TRIM67: variants seen among roughly 807,000 people sequenced by gnomAD.
The protein encoded by TRIM67 is tripartite motif-containing protein 67.
A neutral mutation model predicts 71.0 loss-of-function variants in TRIM67; 39 were observed. The ratio of observed to expected loss-of-function variants is 0.55; its 90% CI spans 0.43 to 0.72. The LOEUF (loss-of-function observed/expected upper bound fraction) is 0.72. Among genes scored for constraint, TRIM67 ranks in the 30% least tolerant of loss-of-function variants. TRIM67 has a pLI of 0.00. For synonymous variants in TRIM67, 481 were observed against 473.9 expected, an observed-to-expected ratio of 1.01 and a Z score of -0.19; for missense variants, 973 against 1,079.2, an observed-to-expected ratio of 0.90 and a Z score of 1.38.
chr1:231,172,230 A>C (rs1682636052), intron 1 of TRIM67, among the ~76,000 whole-genome samples: 2 of 152,254 alleles, frequency 1.3e-5, no homozygotes, highest in Admixed American at 6.5e-5. Flanking sequence ...GCTGAGGAGT[A>C]GTTATGCATA....
In TRIM67 at chr1:231,217,286, C is replaced by T; in HGVS notation, c.*1846C>T. On this transcript the variant is annotated 3_prime_UTR_variant, in exon 10 of 10. Coordinates refer to ENST00000366653, the MANE Select transcript of TRIM67 (RefSeq NM_001004342.5). ...TGCGGAGCCTGGGAGCTATCTGCTTCATGGAAGTCTAGGTCTTGCCTCTTC... is the reference window on the plus strand; with the variant it reads ...TGCGGAGCCTGGGAGCTATCTGCTTTATGGAAGTCTAGGTCTTGCCTCTTC... 1 of 986,168 alleles carries T rather than the reference C, an allele frequency of 1.0e-6. No individual in the cohort carries two copies. The highest frequency in any genetic ancestry group is 1.2e-6 in the Non-Finnish European group (1 of 830,254). 61.1% of individuals were successfully genotyped at this position (986,168 alleles called of 1,614,324 possible).
intron 8 of TRIM67, among the ~76,000 whole-genome samples, chr1:231,212,078 C>G (rs945170857): frequency 6.6e-6 from 1 of 152,032 alleles, no homozygotes; most frequent in East Asian, 1.9e-4. Context: ...GTAACGAGCT[C>G]GATTAACTTT....
At chr1:231,198,443 A>G (rs928995093) in intron 2 of TRIM67, among the ~76,000 whole-genome samples, 33 of 152,140 alleles carry the variant, frequency 2.2e-4, no homozygotes, top group African/African-American at 7.7e-4. Flanking sequence ...CTATAGTGCA[A>G]TGGCACGATC....
chr1:231,213,734 A>G (rs898289283), intron 8 of TRIM67, 81 bp from the exon 9 acceptor site: 3 of 1,469,970 alleles, frequency 2.0e-6, no homozygotes, highest in Middle Eastern at 1.8e-4. Context: ...GTGTCTCTAA[A>G]TAAGTAAATA....
At chr1:231,211,421 G>A (rs866960597) in intron 8 of TRIM67, among the ~76,000 whole-genome samples, 2 of 152,178 alleles carry the variant, frequency 1.3e-5, no homozygotes, top group African/African-American at 4.8e-5. Context: ...CCGGGAAGTT[G>A]GACCCCAGAG....
intron 1 of TRIM67, among the ~76,000 whole-genome samples, chr1:231,170,005 A>ATTTTTTTTTTTTTTTTTTT (rs1682583971): frequency 2.0e-5 from 2 of 101,230 alleles, no homozygotes; most frequent in African/African-American, 1.4e-4. Context: ...TTTTTTTTTG[A>ATTTTTTTTTTTTTTTTTTT]GTTGGAGTTT....
chr1:231,219,765 G>A lies in TRIM67; in HGVS notation c.*4325G>A. The A allele has an allele frequency of 8.3e-7, 1 of 1,208,088 alleles. No homozygotes were observed. The highest frequency in any genetic ancestry group is 1.5e-5 in the South Asian group (1 of 66,842). 74.8% of individuals were successfully genotyped at this position (1,208,088 alleles called of 1,614,324 possible). ...AGATGGTGATGCTGGAAAATTTCAG[G>A]ACTTTTCTTTTGCAAGTGAGCCGGT... On this transcript the variant is annotated 3_prime_UTR_variant, in exon 10 of 10. Coordinates refer to ENST00000366653, the MANE Select transcript of TRIM67 (RefSeq NM_001004342.5).
intron 1 of TRIM67, among the ~76,000 whole-genome samples, chr1:231,178,342 C>T (rs1348677397): frequency 2.0e-5 from 3 of 152,180 alleles, no homozygotes; most frequent in Non-Finnish European, 4.4e-5. Flanking sequence ...AGCCAACAAT[C>T]CTAAAACTCC....
Position 231,203,970 on chromosome 1 carries a change from C to T in TRIM67, c.1638C>T (p.Gly546=), listed in dbSNP as rs1388992714. 4 of 1,614,026 alleles carry T rather than the reference C, an allele frequency of 2.5e-6. No homozygotes were observed. In the Admixed American group the frequency reaches 5.0e-5, roughly 20 times the overall value. ...MPPFTHSPVD[G]YILELDDGAG... is the part of the protein sequence containing the mutation. ...CCTTCACCCACAGCCCCGTGGACGG[C>T]TACATCCTGGAGCTGGACGACGGTG... Residue 546 remains glycine, a synonymous_variant, in exon 6 of 10, where the codon GGC becomes GGT. Transcript: ENST00000366653.
chr1:231,184,531 C>G, intron 1 of TRIM67: 1 of 157,736 alleles, frequency 6.3e-6, no homozygotes, highest in Non-Finnish European at 1.4e-5. Context: ...AGGGCTGGCT[C>G]TCTCAGGGTT....
chr1:231,167,390 T>C (rs1476471934), intron 1 of TRIM67, among the ~76,000 whole-genome samples: 1 of 90,124 alleles, frequency 1.1e-5, no homozygotes, highest in Non-Finnish European at 1.9e-5. Context: ...TGGCGGGATC[T>C]CGGCTCACTG....
chr1:231,163,914 C>T lies in TRIM67; in HGVS notation c.945C>T (p.Cys315=). The change falls in exon 1 of 10, where the codon TGC becomes TGT. Residue 315 remains cysteine (C), a synonymous_variant. Transcript: ENST00000366653. ...AAATGGAGAACTACAGCATGTACTG[C>T]GTGAGCTGTCGAACCCCGGTGTGTT... is the stretch of plus-strand genomic sequence containing the variant. ...EHEMENYSMY[C]VSCRTPVCYL... The T allele has an allele frequency of 6.3e-7, 1 of 1,586,270 alleles. No homozygotes were observed. The highest frequency in any genetic ancestry group is 8.6e-7 in the Non-Finnish European group (1 of 1,166,844).
At chr1:231,204,162 G>T (rs561879745) in intron 6 of TRIM67, 150 bp downstream of exon 6, 1 of 1,236,376 alleles carries the variant, frequency 8.1e-7, no homozygotes, top group Non-Finnish European at 1.1e-6. Flanking sequence ...GAAGGCTGGC[G>T]GAGATGGGGC....
intron 6 of TRIM67, among the ~76,000 whole-genome samples, chr1:231,205,725 C>CAAA (rs11325333): frequency 1.0e-5 from 1 of 98,336 alleles, no homozygotes; most frequent in Non-Finnish European, 2.3e-5. Flanking sequence ...GACTCTGTCT[C>CAAA]AAAAAAAAAA....
chr1:231,217,205 G>C lies in TRIM67; in HGVS notation c.*1765G>C, dbSNP rs1409987205. On this transcript the variant is annotated 3_prime_UTR_variant, in exon 10 of 10. Coordinates refer to ENST00000366653, the MANE Select transcript of TRIM67 (RefSeq NM_001004342.5). The stretch of plus-strand genomic sequence containing the variant: ...TCCGCTGTCTCTGCAGATGTGGCCG[G>C]CAAGGCCAGCTGCCCCGTCTCCAGG... 2 of 985,916 alleles carry C rather than the reference G, an allele frequency of 2.0e-6. No individual in the cohort carries two copies. The highest frequency in any genetic ancestry group is 1.1e-4 in the East Asian group (1 of 8,816). The allele number at this position is 985,916 out of a possible 1,614,324, so 61.1% of individuals were successfully genotyped here.
chr1:231,173,500 G>T (rs1390000634), intron 1 of TRIM67, among the ~76,000 whole-genome samples: 4 of 152,354 alleles, frequency 2.6e-5, no homozygotes, highest in African/African-American at 7.2e-5. Flanking sequence ...AACCAGCCTT[G>T]CAGGATTCTG....
At chr1:231,167,089 G>T (rs1682488714) in intron 1 of TRIM67, among the ~76,000 whole-genome samples, 1 of 152,124 alleles carries the variant, frequency 6.6e-6, no homozygotes, top group South Asian at 2.1e-4. Flanking sequence ...GAATTAAACT[G>T]GGTAGGAGTT....
chr1:231,166,844 G>A (rs1156756043), intron 1 of TRIM67, among the ~76,000 whole-genome samples: 1 of 152,226 alleles, frequency 6.6e-6, no homozygotes, highest in Non-Finnish European at 1.5e-5. Flanking sequence ...TCTTGGGAGA[G>A]GATTAACTGT....
chr1:231,188,445 G>C (rs1377479130), intron 1 of TRIM67, among the ~76,000 whole-genome samples: 1 of 152,192 alleles, frequency 6.6e-6, no homozygotes, highest in Admixed American at 6.5e-5. Flanking sequence ...AGGGACAAGG[G>C]TCCCCTGGAG....
Sources: allele counts gnomAD v4.1 joint callset (sites outside exome capture counted in the v4.1 genomes callset), GRCh38; gene constraint gnomAD v4.1.1; transcripts MANE v1.5; gene names NCBI Gene and HGNC (gene_info 2026-07-23, HGNC 2026-07-21).